GABRA3: variants seen among roughly 807,000 people sequenced by gnomAD.
The protein encoded by GABRA3 is gamma-aminobutyric acid receptor subunit alpha-3.
Under a neutral mutation model 30.1 loss-of-function variants are expected in GABRA3, and 10 were observed. The ratio of observed to expected loss-of-function variants is 0.33; its 90% CI spans 0.20 to 0.56. The LOEUF (loss-of-function observed/expected upper bound fraction) is 0.56. GABRA3 is among the 20% of genes least tolerant of loss of function. The pLI is 0.89. For synonymous variants in GABRA3, 151 were observed against 146.8 expected (o/e 1.03, Z -0.21); for missense variants, 233 against 392.0 (o/e 0.59, Z 3.42).
intron 1 of GABRA3, among the ~76,000 whole-genome samples, chrX:152,431,511 T>C (rs1310250449): frequency 8.9e-6 from 1 of 111,857 alleles, no homozygotes; most frequent in African/African-American, 3.2e-5. Context: ...TGCTCTTATA[T>C]ATGGTAGGCA....
chrX:152,240,272 A>T (rs1193283459), intron 5 of GABRA3, among the ~76,000 whole-genome samples: 1 of 103,345 alleles, frequency 9.7e-6, no homozygotes, highest in Non-Finnish European at 1.9e-5. Flanking sequence ...TTGGCTGGAT[A>T]TGAAATTCTG....
chrX:152,419,731 GA>G (rs903215504), intron 1 of GABRA3, among the ~76,000 whole-genome samples: 16 of 108,753 alleles, frequency 1.5e-4, no homozygotes, highest in East Asian at 5.8e-4. Context: ...AGAATGTAAA[GA>G]AAAAAAAATA....
At chrX:152,405,295 A>G (rs1705723820) in intron 1 of GABRA3, among the ~76,000 whole-genome samples, 1 of 87,972 alleles carries the variant, frequency 1.1e-5, no homozygotes, top group Non-Finnish European at 2.1e-5. Context: ...GAGGGTACTT[A>G]CGCACCCTTG....
chrX:152,179,406 A>G (rs1300675258), intron 9 of GABRA3, among the ~76,000 whole-genome samples: 8 of 110,588 alleles, frequency 7.2e-5, no homozygotes, highest in African/African-American at 2.3e-4. Flanking sequence ...ATTCTTCTCT[A>G]AGTAAAATTT....
At chrX:152,412,652 T>C (rs1389001504) in intron 1 of GABRA3, among the ~76,000 whole-genome samples, 5 of 111,138 alleles carry the variant, frequency 4.5e-5, no homozygotes, top group Admixed American at 2.9e-4. Flanking sequence ...ATATCCAGAA[T>C]AGGTAAATCC....
intron 1 of GABRA3, among the ~76,000 whole-genome samples, chrX:152,387,969 C>A (rs928007960): frequency 9.0e-6 from 1 of 110,816 alleles, no homozygotes; most frequent in Non-Finnish European, 1.9e-5. Flanking sequence ...ACCAAAGATT[C>A]AAAAAAGTCA....
chrX:152,251,839 C>T (rs1938560134), intron 5 of GABRA3, among the ~76,000 whole-genome samples: 1 of 110,663 alleles, frequency 9.0e-6, no homozygotes, highest in African/African-American at 3.3e-5. Flanking sequence ...TCATTCATAC[C>T]TTTTCTCTGT....
intron 1 of GABRA3, among the ~76,000 whole-genome samples, chrX:152,382,646 G>C (rs1405874517): frequency 1.8e-5 from 2 of 111,693 alleles, no homozygotes; most frequent in African/African-American, 6.5e-5. Context: ...TTGTTTTATA[G>C]TTGTAGGTCT....
At chrX:152,289,534 T>C (rs866256820) in intron 3 of GABRA3, among the ~76,000 whole-genome samples, 8 of 110,274 alleles carry the variant, frequency 7.3e-5, no homozygotes, top group African/African-American at 2.6e-4. Context: ...TTTTAAATTA[T>C]ACTTTAAGTT....
At chrX:152,360,726 TAAAAAAAAAAATTA>T (rs1227199407) in intron 2 of GABRA3, among the ~76,000 whole-genome samples, 5 of 45,983 alleles carry the variant, frequency 1.1e-4, no homozygotes, top group African/African-American at 4.4e-4. Flanking sequence ...AAAAAAAAAT[TAAAAAAAAAAATTA>T]AAAAAAAAAA....
intron 2 of GABRA3, among the ~76,000 whole-genome samples, chrX:152,362,422 A>G (rs1928534817): frequency 9.0e-6 from 1 of 111,582 alleles, no homozygotes; most frequent in Non-Finnish European, 1.9e-5. Flanking sequence ...TGGCAGAAAG[A>G]CTAAGAAATA....
intron 1 of GABRA3, among the ~76,000 whole-genome samples, chrX:152,404,813 A>G (rs756266699): frequency 1.5e-3 from 158 of 106,281 alleles, no homozygotes; most frequent in Non-Finnish European, 2.7e-3. Flanking sequence ...ATTTCTGTCA[A>G]ATCACTAGCT....
intron 3 of GABRA3, among the ~76,000 whole-genome samples, chrX:152,302,254 A>G (rs1460394621): frequency 9.0e-6 from 1 of 110,953 alleles, no homozygotes; most frequent in East Asian, 2.8e-4. Context: ...AGAGATTGCC[A>G]GATTGAAAAA....
intron 5 of GABRA3, among the ~76,000 whole-genome samples, chrX:152,237,569 C>G (rs1938251764): frequency 9.5e-6 from 1 of 104,910 alleles, no homozygotes; most frequent in Admixed American, 1.0e-4. Context: ...GGCATTGAAT[C>G]TGTAAATTAC....
At chrX:152,226,967 G>A (rs1377814821) in intron 5 of GABRA3, among the ~76,000 whole-genome samples, 69 of 110,946 alleles carry the variant, frequency 6.2e-4, no homozygotes, top group African/African-American at 2.1e-3. Flanking sequence ...TGTGGAAGTC[G>A]GTGTGGCGAT....
chrX:152,434,025 C>A (rs191784200), intron 1 of GABRA3, among the ~76,000 whole-genome samples: 1,290 of 111,482 alleles, frequency 0.012, 13 homozygotes, highest in African/African-American at 0.039. Flanking sequence ...TGTATAAATT[C>A]ACAGTTAAAA....
chrX:152,343,102 T>C (rs1033868438), intron 3 of GABRA3, among the ~76,000 whole-genome samples: 3 of 111,304 alleles, frequency 2.7e-5, no homozygotes, highest in African/African-American at 6.5e-5. Context: ...AACTTTTTAG[T>C]CTCCATGCAG....
chrX:152,321,205 T>A (rs866598414), intron 3 of GABRA3, among the ~76,000 whole-genome samples: 6 of 111,368 alleles, frequency 5.4e-5, no homozygotes, highest in Admixed American at 2.9e-4. Context: ...CACATACGGT[T>A]AAATAACCTC....
intron 3 of GABRA3, among the ~76,000 whole-genome samples, chrX:152,312,829 C>A (rs908564297): frequency 3.6e-5 from 4 of 111,760 alleles, no homozygotes; most frequent in African/African-American, 1.3e-4. Context: ...AGGACATGAA[C>A]AGACACTTCT....
Sources: gnomAD v4.1 joint callset for allele counts (sites outside exome capture counted in the v4.1 genomes callset) on GRCh38, gnomAD v4.1.1 for gene constraint, MANE v1.5 for transcripts, NCBI Gene and HGNC (gene_info 2026-07-23, HGNC 2026-07-21) for gene names.